The following ACTL10 variants were observed in gnomAD, a reference collection of about 807,000 sequenced individuals.
ACTL10 encodes actin-like protein 10.
For synonymous variants in ACTL10, 180 were observed against 169.9 expected (o/e 1.06, Z -0.46); for missense variants, 413 against 359.4 (o/e 1.15, Z -1.21).
Position 33,668,297 on chromosome 20 carries a change from A to G in ACTL10, c.*62A>G, listed in dbSNP as rs1270654860. ...GGACAGCTCTCTATCTAAAGAGTCAAGTGTTTGGAGCTGGCAGGGTCCTCC... is the reference window on the plus strand; with the variant it reads ...GGACAGCTCTCTATCTAAAGAGTCAGGTGTTTGGAGCTGGCAGGGTCCTCC... On this transcript the variant is annotated 3_prime_UTR_variant, in exon 1 of 1. Transcript: ENST00000677665. 1 of 1,524,838 alleles carries G rather than the reference A, an allele frequency of 6.6e-7. No individual in the cohort carries two copies. The highest frequency in any genetic ancestry group is 2.3e-5 in the East Asian group (1 of 43,676). 94.5% of individuals were successfully genotyped at this position (1,524,838 alleles called of 1,614,324 possible).
At position 33,667,508 on chromosome 20, in the gene ACTL10, C is replaced by T. The variant is rs368924200; in HGVS notation, c.11C>T (p.Thr4Ile). The T allele has an allele frequency of 5.9e-6, 9 of 1,520,628 alleles. No homozygotes were observed. The Admixed American group carries it at 5.9e-5, about 10-fold the overall frequency. 94.2% of individuals were successfully genotyped at this position (1,520,628 alleles called of 1,614,324 possible). A position where few individuals can be genotyped will look rare whatever the true frequency, so the allele number is the denominator to read the frequency against. ...GTGCCCGCGTGCCACATGGCTAGCA[C>T]CGCGTTGCTGGCGCTCTGCTCCACC... The part of the protein sequence containing the change: MAS[T>I]ALLALCSTGA... Residue 4 changes from threonine (T) to isoleucine (I), a missense_variant, in exon 1 of 1, where the codon ACC becomes ATC. Transcript: ENST00000677665.
Position 33,667,381 on chromosome 20 carries a change from C to T in ACTL10, c.-117C>T, listed in dbSNP as rs1271995883. On this transcript the variant is annotated 5_prime_UTR_variant, in exon 1 of 1. Coordinates refer to ENST00000677665, the MANE Select transcript of ACTL10 (RefSeq NM_001024675.2). ...GGAGCGCCTGCTGGTGGGCGGCCTG[C>T]GGGTGTGCCCAGAGCAGTGGCCCGT... 2.4e-6 allele frequency: 3 copies of T among 1,276,208 alleles called. No individual in the cohort carries two copies. Among genetic ancestry groups the T allele is most frequent in the Admixed American group, 4.0e-5 (1 of 24,810 alleles). The allele number at this position is 1,276,208 out of a possible 1,614,324, so 79.1% of individuals were successfully genotyped here.
In ACTL10 at chr20:33,668,310, G is replaced by C; in HGVS notation, c.*75G>C. ...TCTAAAGAGTCAAGTGTTTGGAGCT[G>C]GCAGGGTCCTCCTGGAGGTTGGAGC... On this transcript the variant is annotated 3_prime_UTR_variant, in exon 1 of 1. Transcript: ENST00000677665. 1 of 1,515,062 alleles carries C rather than the reference G, an allele frequency of 6.6e-7. No homozygotes were observed. Among genetic ancestry groups the C allele is most frequent in the Middle Eastern group, 1.8e-4 (1 of 5,588 alleles). 93.9% of individuals were successfully genotyped at this position (1,515,062 alleles called of 1,614,324 possible). A position where few individuals can be genotyped will look rare whatever the true frequency, so the allele number is the denominator to read the frequency against.
At position 33,667,964 on chromosome 20, in the gene ACTL10, G is replaced by GGACACGCCTGGCA. The variant is rs2017728541; in HGVS notation, c.473_485dup (p.Val163ProfsTer?). ...CTGCAGAAGATGCCCAAAACGCTGCGGACACGCCTGGCAGACACCGTGGTG... is the reference window on the plus strand; with the variant it reads ...CTGCAGAAGATGCCCAAAACGCTGCGGACACGCCTGGCAGACACGCCTGGCAGACACCGTGGTG... On this transcript the variant is annotated frameshift_variant, in exon 1 of 1. Coordinates refer to ENST00000677665, the MANE Select transcript of ACTL10 (RefSeq NM_001024675.2). LOFTEE classifies it low-confidence loss of function (END_TRUNC). 12 of 1,550,592 alleles carry GGACACGCCTGGCA rather than the reference G, an allele frequency of 7.7e-6. No homozygotes were observed. The highest frequency in any genetic ancestry group is 1.0e-5 in the Non-Finnish European group (12 of 1,147,462).
At position 33,668,073 on chromosome 20, in the gene ACTL10, C is replaced by T; in HGVS notation, c.576C>T (p.Tyr192=). 1 of 1,580,512 alleles carries T rather than the reference C, an allele frequency of 6.3e-7. No homozygotes were observed. Among genetic ancestry groups the T allele is most frequent in the Non-Finnish European group, 8.6e-7 (1 of 1,164,006 alleles). The change falls in exon 1 of 1, where the codon TAC becomes TAT. Residue 192 remains tyrosine (Y), a synonymous_variant. Transcript: ENST00000677665. ...AGGCGCAGTGCCGGCGGCACGGCTA[C>T]GCGGCCCTGCGGCCCCACCTGGTGG... ...ELEAQCRRHG[Y]AALRPHLVAK... is the part of the protein sequence containing the mutation.
rs762874253 is a variant in ACTL10 at position 33,667,542 on chromosome 20, C to G, written c.45C>G (p.Phe15Leu). Residue 15 changes from phenylalanine (F) to leucine (L), a missense_variant, in exon 1 of 1, where the codon TTC becomes TTG. Physicochemically the swap from Phe to Leu is conservative, Grantham distance 22 (BLOSUM62 0). Coordinates refer to ENST00000677665, the MANE Select transcript of ACTL10 (RefSeq NM_001024675.2). ...TGGCGCTCTGCTCCACCGGCGCGTTCAGCGGGCTGGCCGTGGAGGCGGGCG... is the reference window on the plus strand; with the variant it reads ...TGGCGCTCTGCTCCACCGGCGCGTTGAGCGGGCTGGCCGTGGAGGCGGGCG... ...ALLALCSTGA[F>L]SGLAVEAGAG... 32 of 1,545,632 alleles carry G rather than the reference C, an allele frequency of 2.1e-5. No homozygotes were observed. Among genetic ancestry groups the G allele is most frequent in the East Asian group, 2.4e-5 (1 of 41,316 alleles).
chr20:33,667,852 G>A lies in ACTL10; in HGVS notation c.355G>A (p.Glu119Lys). Reference sequence around the variant, plus strand: ...CGGGTGCTGCGTCTGCCTCAGCAGTGAGCGCTTCCGCTGCCCCGAACCCAT... The same window carrying A: ...CGGGTGCTGCGTCTGCCTCAGCAGTAAGCGCTTCCGCTGCCCCGAACCCAT... The part of the protein sequence containing the change: ...GNGCCVCLSS[E>K]RFRCPEPIFQ... Residue 119 changes from glutamate to lysine, a missense_variant, in exon 1 of 1, where the codon GAG becomes AAG. Coordinates refer to ENST00000677665, the MANE Select transcript of ACTL10 (RefSeq NM_001024675.2). 1.2e-6 allele frequency: 2 copies of A among 1,607,710 alleles called. No homozygotes were observed. The highest frequency in any genetic ancestry group is 1.7e-6 in the Non-Finnish European group (2 of 1,177,474).
At position 33,668,223 on chromosome 20, in the gene ACTL10, T is replaced by A; in HGVS notation, c.726T>A (p.Asp242Glu). 4 of 1,586,554 alleles carry A rather than the reference T, an allele frequency of 2.5e-6. No individual in the cohort carries two copies. Among genetic ancestry groups the A allele is most frequent in the Non-Finnish European group, 3.4e-6 (4 of 1,163,978 alleles). Reference protein sequence around the residue: ...YQECGSRLLYDVFN With the variant: ...YQECGSRLLYEVFN Reference sequence around the variant, plus strand: ...AGTGTGGCTCCAGGCTGCTGTACGATGTGTTCAACTGAGTCAGGCTGGACT... The same window carrying A: ...AGTGTGGCTCCAGGCTGCTGTACGAAGTGTTCAACTGAGTCAGGCTGGACT... Residue 242 changes from aspartate (D) to glutamate (E), a missense_variant, in exon 1 of 1, where the codon GAT becomes GAA. By Grantham distance (45) the Asp-to-Glu change is conservative (BLOSUM62 2). Coordinates refer to ENST00000677665, the MANE Select transcript of ACTL10 (RefSeq NM_001024675.2).
chr20:33,667,511 C>T lies in ACTL10; in HGVS notation c.14C>T (p.Ala5Val). ...CCCGCGTGCCACATGGCTAGCACCG[C>T]GTTGCTGGCGCTCTGCTCCACCGGC... MAST[A>V]LLALCSTGAF... Residue 5 changes from alanine (A) to valine (V), a missense_variant, in exon 1 of 1, where the codon GCG (alanine) becomes GTG (valine). By Grantham distance (64) the Ala-to-Val change is moderately conservative. Coordinates refer to ENST00000677665, the MANE Select transcript of ACTL10 (RefSeq NM_001024675.2). 1.3e-6 allele frequency: 2 copies of T among 1,522,332 alleles called. No homozygotes were observed. The highest frequency in any genetic ancestry group is 4.8e-5 in the East Asian group (2 of 41,390). 94.3% of individuals were successfully genotyped at this position (1,522,332 alleles called of 1,614,324 possible). A position where few individuals can be genotyped will look rare whatever the true frequency, so the allele number is the denominator to read the frequency against.
In ACTL10 at chr20:33,668,168, G is replaced by A. The variant is rs1232027036; in HGVS notation, c.671G>A (p.Arg224His). 1.2e-5 allele frequency: 19 copies of A among 1,612,350 alleles called. No homozygotes were observed. Among genetic ancestry groups the A allele is most frequent in the Non-Finnish European group, 1.4e-5 (16 of 1,179,470 alleles). Residue 224 changes from arginine to histidine, a missense_variant, in exon 1 of 1, where the codon CGC (arginine) becomes CAC (histidine). Physicochemically the swap from Arg to His is conservative, Grantham distance 29. Transcript: ENST00000677665. ...SMVASLHSFQ[R>H]RWITRAMYQE... ...GTGGCCTCCCTGCACTCCTTCCAGC[G>A]CCGCTGGATAACTCGGGCCATGTAC... is the stretch of plus-strand genomic sequence containing the variant.
In ACTL10 at chr20:33,667,675, C is replaced by A. The variant is rs749509717; in HGVS notation, c.178C>A (p.Leu60Met). 2 of 1,611,796 alleles carry A rather than the reference C, an allele frequency of 1.2e-6. No individual in the cohort carries two copies. The highest frequency in any genetic ancestry group is 2.2e-5 in the East Asian group (1 of 44,846). The change falls in exon 1 of 1, where the codon CTG becomes ATG. Residue 60 changes from leucine (L) to methionine (M), a missense_variant. Physicochemically the swap from Leu to Met is conservative, Grantham distance 15. Transcript: ENST00000677665. The stretch of plus-strand genomic sequence containing the variant: ...CCTGTCGCGCTACCTGCGGGATCTG[C>A]TGGTGGCGGCGAACCCTGACCTCTT... ...STLSRYLRDLLVAANPDLLQQ... is the reference protein window; with the variant it reads ...STLSRYLRDLMVAANPDLLQQ...
At position 33,667,739 on chromosome 20, in the gene ACTL10, A is replaced by G. The variant is rs756713261; in HGVS notation, c.242A>G (p.Lys81Arg). ...CCCCGCAAGGCCATCACACATCTCA[A>G]GAAGCGCAGCTGCTACGTGTCCCTG... ...ALPRKAITHL[K>R]KRSCYVSLDF... The change falls in exon 1 of 1, where the codon AAG becomes AGG. Residue 81 changes from lysine (K) to arginine (R), a missense_variant. By Grantham distance (26) the Lys-to-Arg change is conservative. Coordinates refer to ENST00000677665, the MANE Select transcript of ACTL10 (RefSeq NM_001024675.2). 1 of 1,612,354 alleles carries G rather than the reference A, an allele frequency of 6.2e-7. No individual in the cohort carries two copies. Among genetic ancestry groups the G allele is most frequent in the South Asian group, 1.1e-5 (1 of 91,080 alleles).
chr20:33,668,312 C>T lies in ACTL10; in HGVS notation c.*77C>T. On this transcript the variant is annotated 3_prime_UTR_variant, in exon 1 of 1. Coordinates refer to ENST00000677665, the MANE Select transcript of ACTL10 (RefSeq NM_001024675.2). Reference sequence around the variant, plus strand: ...TAAAGAGTCAAGTGTTTGGAGCTGGCAGGGTCCTCCTGGAGGTTGGAGCTG... The same window carrying T: ...TAAAGAGTCAAGTGTTTGGAGCTGGTAGGGTCCTCCTGGAGGTTGGAGCTG... The T allele has an allele frequency of 6.6e-7, 1 of 1,513,902 alleles. No homozygotes were observed. The highest frequency in any genetic ancestry group is 8.9e-7 in the Non-Finnish European group (1 of 1,129,046). 93.8% of individuals were successfully genotyped at this position (1,513,902 alleles called of 1,614,324 possible).
rs1421048388 is a variant in ACTL10, at chr20:33,667,298, G to T, written c.-200G>T. ...TGCGAGCTGGCGGGCGGCGTGGCGC[G>T]GGCGCACCCCATCAAGCACGGCGTG... On this transcript the variant is annotated 5_prime_UTR_variant, in exon 1 of 1. Coordinates refer to ENST00000677665, the MANE Select transcript of ACTL10 (RefSeq NM_001024675.2). The T allele has an allele frequency of 1.6e-5, 10 of 616,880 alleles. No homozygotes were observed. The highest frequency in any genetic ancestry group is 1.1e-4 in the South Asian group (2 of 18,698). 38.2% of individuals were successfully genotyped at this position (616,880 alleles called of 1,614,324 possible).
Position 33,667,763 on chromosome 20 carries a change from TG to T in ACTL10, c.268del (p.Asp90ThrfsTer76), listed in dbSNP as rs1192880562. The T allele has an allele frequency of 6.2e-7, 1 of 1,612,598 alleles. No homozygotes were observed. Among genetic ancestry groups the T allele is most frequent in the East Asian group, 2.2e-5 (1 of 44,868 alleles). ...AAGAAGCGCAGCTGCTACGTGTCCC[TG>T]GACTTCGAGGGCGACCTCCGCGACC... is the stretch of plus-strand genomic sequence containing the variant. ...HLKKRSCYVS[L>X]DFEGDLRDPA... On this transcript the variant is annotated frameshift_variant, in exon 1 of 1. Transcript: ENST00000677665. LOFTEE classifies it low-confidence loss of function (END_TRUNC).
Position 33,668,253 on chromosome 20 carries a change from G to T in ACTL10, c.*18G>T. On this transcript the variant is annotated 3_prime_UTR_variant, in exon 1 of 1. Coordinates refer to ENST00000677665, the MANE Select transcript of ACTL10 (RefSeq NM_001024675.2). ...TCAACTGAGTCAGGCTGGACTGGGG[G>T]GGGTGGCACTGCGTTGGGGGACAGC... 1.3e-6 allele frequency: 2 copies of T among 1,559,882 alleles called. No individual in the cohort carries two copies. The highest frequency in any genetic ancestry group is 1.2e-5 in the South Asian group (1 of 84,266).
At position 33,667,977 on chromosome 20, in the gene ACTL10, A is replaced by G. The variant is rs2017728944; in HGVS notation, c.480A>G (p.Ala160=). The G allele has an allele frequency of 1.3e-6, 2 of 1,549,200 alleles. No individual in the cohort carries two copies. The highest frequency in any genetic ancestry group is 2.7e-5 in the African/African-American group (2 of 73,046). Residue 160 remains alanine (A), a synonymous_variant, in exon 1 of 1, where the codon GCA becomes GCG. Coordinates refer to ENST00000677665, the MANE Select transcript of ACTL10 (RefSeq NM_001024675.2). ...CCAAAACGCTGCGGACACGCCTGGC[A>G]GACACCGTGGTGCTAGCCGGCGGCT... The part of the protein sequence containing the change: ...KMPKTLRTRL[A]DTVVLAGGST...
rs778618252 is a variant in ACTL10, at chr20:33,668,079, C to T, written c.582C>T (p.Ala194=). Residue 194 remains alanine, a synonymous_variant, in exon 1 of 1, where the codon GCC becomes GCT. Coordinates refer to ENST00000677665, the MANE Select transcript of ACTL10 (RefSeq NM_001024675.2). ...EAQCRRHGYA[A]LRPHLVAKHG... Reference sequence around the variant, plus strand: ...AGTGCCGGCGGCACGGCTACGCGGCCCTGCGGCCCCACCTGGTGGCCAAGC... The same window carrying T: ...AGTGCCGGCGGCACGGCTACGCGGCTCTGCGGCCCCACCTGGTGGCCAAGC... 1 of 1,587,856 alleles carries T rather than the reference C, an allele frequency of 6.3e-7. No homozygotes were observed. The highest frequency in any genetic ancestry group is 1.8e-5 in the Admixed American group (1 of 55,282).
rs1424945674 is a variant in ACTL10 at position 33,667,033 on chromosome 20, G to C, written c.-465G>C. On this transcript the variant is annotated 5_prime_UTR_variant, in exon 1 of 1. Coordinates refer to ENST00000677665, the MANE Select transcript of ACTL10 (RefSeq NM_001024675.2). ...GGAGGTATCGGGCCGACGAAGCCGA[G>C]TGGCGCGGAGGAGCGGAGCCTTCAG... is the stretch of plus-strand genomic sequence containing the variant. 1 of 159,984 alleles carries C rather than the reference G, an allele frequency of 6.3e-6. No homozygotes were observed. The highest frequency in any genetic ancestry group is 1.4e-5 in the Non-Finnish European group (1 of 73,416). The allele number at this position is 159,984 out of a possible 1,614,324, so 9.9% of individuals were successfully genotyped here. A position where few individuals can be genotyped will look rare whatever the true frequency, so the allele number is the denominator to read the frequency against.
Sources: allele counts gnomAD v4.1 joint callset, GRCh38; gene constraint gnomAD v4.1.1; transcripts MANE v1.5; gene names NCBI Gene and HGNC (gene_info 2026-07-23, HGNC 2026-07-21).